The following ZMAT4 variants were observed in gnomAD, a reference collection of about 807,000 sequenced individuals.
The protein encoded by ZMAT4 is zinc finger matrin-type protein 4.
In ZMAT4, 17 loss-of-function variants were observed where a neutral mutation model predicts 28.7. The observed-to-expected ratio is 0.59, with a 90% CI of 0.41 to 0.89. The LOEUF is 0.89. Ranked by LOEUF, ZMAT4 falls within the 40% of genes least tolerant of loss-of-function variation. The pLI is 0.00. For missense variants in ZMAT4, 240 were observed against 283.8 expected (o/e 0.85, Z 1.11); for synonymous variants, 117 against 109.2 (o/e 1.07, Z -0.44).
intron 5 of ZMAT4, among the ~76,000 whole-genome samples, chr8:40,649,957 C>T (rs2118809082): frequency 6.6e-6 from 1 of 151,610 alleles, no homozygotes; most frequent in East Asian, 1.9e-4. Flanking sequence ...GCACTAAATG[C>T]CCACAGGAGA....
intron 2 of ZMAT4, among the ~76,000 whole-genome samples, chr8:40,799,866 A>C (rs1035579559): frequency 6.6e-6 from 1 of 152,244 alleles, no homozygotes; most frequent in Non-Finnish European, 1.5e-5. Context: ...ATTTGAAAGT[A>C]GACTTGGATT....
intron 1 of ZMAT4, among the ~76,000 whole-genome samples, chr8:40,825,911 C>T (rs1563510933): frequency 6.6e-6 from 1 of 152,154 alleles, no homozygotes; most frequent in African/African-American, 2.4e-5. Flanking sequence ...AATAGAAATC[C>T]AGCTATAGTT....
chr8:40,852,905 C>T (rs1817163454), intron 1 of ZMAT4, among the ~76,000 whole-genome samples: 1 of 152,120 alleles, frequency 6.6e-6, no homozygotes, highest in African/African-American at 2.4e-5. Flanking sequence ...ATTTTCCAAA[C>T]TTTAACACAA....
At chr8:40,791,535 T>C (rs1382914908) in intron 2 of ZMAT4, among the ~76,000 whole-genome samples, 1 of 152,180 alleles carries the variant, frequency 6.6e-6, no homozygotes, top group East Asian at 1.9e-4. Context: ...GTCACACAGG[T>C]CCTTCGCCCT....
intron 4 of ZMAT4, among the ~76,000 whole-genome samples, chr8:40,678,097 T>G (rs1808986811): frequency 1.3e-5 from 2 of 152,156 alleles, no homozygotes; most frequent in South Asian, 4.1e-4. Flanking sequence ...TGAGAACAAA[T>G]GATCTAAATA....
intron 3 of ZMAT4, among the ~76,000 whole-genome samples, chr8:40,723,542 C>CAAAAAAAAAAAAAAA (rs58513087): frequency 1.5e-5 from 1 of 66,850 alleles, no homozygotes; most frequent in African/African-American, 5.9e-5. Context: ...GATTCCATCT[C>CAAAAAAAAAAAAAAA]AAAAAAAAAA....
intron 5 of ZMAT4, among the ~76,000 whole-genome samples, chr8:40,643,309 A>G (rs1563382192): frequency 1.3e-5 from 2 of 152,188 alleles, no homozygotes; most frequent in Admixed American, 6.5e-5. Context: ...AACTGTTCTC[A>G]TCTTTCCATT....
intron 5 of ZMAT4, among the ~76,000 whole-genome samples, chr8:40,666,371 C>T (rs1286128412): frequency 2.0e-5 from 3 of 152,060 alleles, no homozygotes; most frequent in Non-Finnish European, 4.4e-5. Context: ...AGAGTTGAGT[C>T]AGCAATCAAG....
chr8:40,826,175 A>G (rs1215587226), intron 1 of ZMAT4, among the ~76,000 whole-genome samples: 2 of 152,248 alleles, frequency 1.3e-5, no homozygotes, highest in Non-Finnish European at 2.9e-5. Context: ...TAAATGTTGT[A>G]AGCACCTAAT....
At chr8:40,887,794 A>T (rs1818516754) in intron 1 of ZMAT4, among the ~76,000 whole-genome samples, 1 of 152,104 alleles carries the variant, frequency 6.6e-6, no homozygotes, top group African/African-American at 2.4e-5. Flanking sequence ...TCTCACAGCC[A>T]TGTTATTGCA....
At chr8:40,748,508 T>TAGAG (rs1812331002) in intron 3 of ZMAT4, among the ~76,000 whole-genome samples, 1 of 152,210 alleles carries the variant, frequency 6.6e-6, no homozygotes, top group Non-Finnish European at 1.5e-5. Flanking sequence ...TGCTGTCATC[T>TAGAG]AGAGCTGTTC....
intron 2 of ZMAT4, among the ~76,000 whole-genome samples, chr8:40,788,752 A>G (rs1814192904): frequency 6.7e-6 from 1 of 149,068 alleles, no homozygotes; most frequent in Admixed American, 6.7e-5. Context: ...GATATCAAAA[A>G]CAAGGACATT....
intron 3 of ZMAT4, among the ~76,000 whole-genome samples, chr8:40,700,374 T>C (rs1345823291): frequency 1.4e-5 from 2 of 147,786 alleles, no homozygotes; most frequent in African/African-American, 2.5e-5. Context: ...TCTGTCTTCC[T>C]GGCTCATCAC....
At chr8:40,839,608 C>T (rs892350900) in intron 1 of ZMAT4, among the ~76,000 whole-genome samples, 1 of 152,206 alleles carries the variant, frequency 6.6e-6, no homozygotes, top group Non-Finnish European at 1.5e-5. Flanking sequence ...ATGTGGTTTA[C>T]CATAGAATAC....
chr8:40,617,993 A>C (rs1339842242), intron 5 of ZMAT4, among the ~76,000 whole-genome samples: 1 of 152,178 alleles, frequency 6.6e-6, no homozygotes, highest in Non-Finnish European at 1.5e-5. Flanking sequence ...GGACCACTGG[A>C]ATATTCTCTC....
chr8:40,697,894 G>A (rs887544038), intron 3 of ZMAT4, among the ~76,000 whole-genome samples: 5 of 152,022 alleles, frequency 3.3e-5, no homozygotes, highest in African/African-American at 1.2e-4. Context: ...ATTAAGAGAG[G>A]GCACATTGAG....
At chr8:40,569,036 C>T (rs1804011635) in intron 6 of ZMAT4, among the ~76,000 whole-genome samples, 1 of 152,140 alleles carries the variant, frequency 6.6e-6, no homozygotes, top group Admixed American at 6.5e-5. Flanking sequence ...TTTAATGTCC[C>T]AAACACAGTC....
In ZMAT4 at chr8:40,658,080, A is replaced by G. The variant is rs1301474443; in HGVS notation, c.577+16624T>C. ...TCCATGTATATTTTTCACTTTGAAT[A>G]TTTTATTTTTCAGATTCTCTTGGCT... On this transcript the variant is annotated intron_variant, in intron 5 of 6. Coordinates refer to ENST00000297737, the MANE Select transcript of ZMAT4 (RefSeq NM_024645.3). Among the ~76,000 whole-genome samples the G allele has an allele frequency of 2.0e-5, 3 of 152,110 alleles. No homozygotes were observed. The East Asian group carries it at 5.8e-4, about 29-fold the overall frequency.
rs1813117036 is a variant in ZMAT4, at chr8:40,765,478, TA to T, written c.192+2162del. On this transcript the variant is annotated intron_variant, in intron 3 of 6. Coordinates refer to ENST00000297737, the MANE Select transcript of ZMAT4 (RefSeq NM_024645.3). ...CTTTTTCTGTTTACTGGTTTGCTTT[TA>T]TATTATGCTCAATAAATTATAGAAA... 3.3e-5 allele frequency among the ~76,000 whole-genome samples: 5 copies of T among 152,334 alleles called. No individual in the cohort carries two copies. The South Asian group carries it at 1.0e-3, about 32-fold the overall frequency.
Sources: allele counts gnomAD v4.1 joint callset (sites outside exome capture counted in the v4.1 genomes callset), GRCh38; gene constraint gnomAD v4.1.1; transcripts MANE v1.5; gene names NCBI Gene and HGNC (gene_info 2026-07-23, HGNC 2026-07-21).